The following MYT1L variants were observed in gnomAD, a reference collection of about 807,000 sequenced individuals.
MYT1L encodes myelin transcription factor 1-like protein.
A neutral mutation model predicts 126.7 loss-of-function variants in MYT1L; 12 were observed. The observed-to-expected ratio is 0.09, with a 90% CI of 0.06 to 0.15. The LOEUF (loss-of-function observed/expected upper bound fraction) is 0.15, where lower values mean the gene tolerates loss of function less well. MYT1L is among the 10% of genes least tolerant of loss of function. MYT1L has a pLI of 1.00. For missense variants in MYT1L, 979 were observed against 1,585.2 expected (o/e 0.62, Z 6.49); for synonymous variants, 541 against 604.2 (o/e 0.90, Z 1.53).
intron 2 of MYT1L, among the ~76,000 whole-genome samples, chr2:2,213,077 C>T (rs928499982): frequency 2.0e-5 from 3 of 152,164 alleles, no homozygotes; most frequent in African/African-American, 7.2e-5. Flanking sequence ...AGGACTTCTG[C>T]ATCCCACCAG....
At chr2:1,965,060 G>A (rs188048684) in intron 8 of MYT1L, among the ~76,000 whole-genome samples, 190 of 152,306 alleles carry the variant, frequency 1.2e-3, no homozygotes, top group Non-Finnish European at 1.1e-3. Flanking sequence ...AGAGTATTCC[G>A]GTCACCAGCA....
At chr2:1,821,469 T>C (rs2038515752) in intron 21 of MYT1L, among the ~76,000 whole-genome samples, 1 of 152,358 alleles carries the variant, frequency 6.6e-6, no homozygotes, top group Admixed American at 6.5e-5. Context: ...ATGAATACAA[T>C]ATATTTTAAT....
chr2:2,140,394 A>T (rs1264940082), intron 3 of MYT1L, among the ~76,000 whole-genome samples: 3 of 150,236 alleles, frequency 2.0e-5, no homozygotes, highest in Admixed American at 2.0e-4. Context: ...TTTTTGCAAG[A>T]TAATGGATCA....
intron 2 of MYT1L, among the ~76,000 whole-genome samples, chr2:2,240,954 C>T (rs916623174): frequency 6.6e-6 from 1 of 152,134 alleles, no homozygotes; most frequent in Non-Finnish European, 1.5e-5. Flanking sequence ...AGATGTGTCC[C>T]TGCGATTTGG....
intron 3 of MYT1L, among the ~76,000 whole-genome samples, chr2:2,111,498 C>T (rs188089976): frequency 7.0e-4 from 106 of 152,216 alleles, no homozygotes; most frequent in African/African-American, 2.3e-3. Flanking sequence ...AAACTGGGAG[C>T]CATTTTCAAA....
chr2:1,858,111 G>C (rs906800089), intron 18 of MYT1L, among the ~76,000 whole-genome samples: 1 of 152,202 alleles, frequency 6.6e-6, no homozygotes, highest in African/African-American at 2.4e-5. Context: ...TAATCTGCCC[G>C]CCTTGGCCTC....
At chr2:2,330,443 G>A (rs1250190069) in intron 1 of MYT1L, among the ~76,000 whole-genome samples, 1 of 151,968 alleles carries the variant, frequency 6.6e-6, no homozygotes, top group African/African-American at 2.4e-5. Flanking sequence ...ACATATTTCT[G>A]TTATAAATAA....
intron 1 of MYT1L, among the ~76,000 whole-genome samples, chr2:2,290,155 A>G (rs1255393106): frequency 2.0e-5 from 3 of 152,144 alleles, no homozygotes; most frequent in African/African-American, 7.2e-5. Flanking sequence ...GAAAGTTAGA[A>G]TTTCTAGATT....
chr2:2,137,828 A>G (rs971878153), intron 3 of MYT1L, among the ~76,000 whole-genome samples: 1 of 152,216 alleles, frequency 6.6e-6, no homozygotes, highest in Non-Finnish European at 1.5e-5. Context: ...CAAAAGCCAC[A>G]ATTGACAAAT....
rs1341495336 is a variant in MYT1L, at chr2:1,829,143, C to T, written c.3080+10006G>A. 3.3e-5 allele frequency among the ~76,000 whole-genome samples: 5 copies of T among 152,212 alleles called. No individual in the cohort carries two copies. The South Asian group carries it at 8.3e-4, about 25-fold the overall frequency. On this transcript the variant is annotated intron_variant, in intron 21 of 24. Transcript: ENST00000647738. ...GATCTCCCATGAAGATGGCGTTGGG[C>T]CTCTCACCTCTGGGGGTGCTGAGGA...
At chr2:1,822,905 A>C (rs546675758) in intron 21 of MYT1L, among the ~76,000 whole-genome samples, 1 of 152,226 alleles carries the variant, frequency 6.6e-6, no homozygotes, top group African/African-American at 2.4e-5. Flanking sequence ...TCCTAGCAGA[A>C]GGGAAATGTT....
intron 1 of MYT1L, among the ~76,000 whole-genome samples, chr2:2,285,595 C>A (rs180897286): frequency 6.6e-6 from 1 of 152,192 alleles, no homozygotes; most frequent in Admixed American, 6.5e-5. Flanking sequence ...ATGCCCTCCC[C>A]TTTCTGGGTC....
intron 3 of MYT1L, among the ~76,000 whole-genome samples, chr2:2,131,970 G>A (rs1184419984): frequency 4.2e-5 from 6 of 142,664 alleles, no homozygotes; most frequent in African/African-American, 1.1e-4. Context: ...GTGCAGTGGT[G>A]CGATCTTGGC....
intron 2 of MYT1L, among the ~76,000 whole-genome samples, chr2:2,183,398 G>A (rs1234870561): frequency 6.6e-6 from 1 of 152,110 alleles, no homozygotes; most frequent in Non-Finnish European, 1.5e-5. Flanking sequence ...GTGGGGCCAG[G>A]CGGTAGGAAG....
intron 4 of MYT1L, among the ~76,000 whole-genome samples, chr2:2,000,942 GGAAGCTCA>G (rs1407061020): frequency 6.6e-6 from 1 of 152,072 alleles, no homozygotes; most frequent in African/African-American, 2.4e-5. Flanking sequence ...GGTTCCCCTG[GGAAGCTCA>G]GAAGCTCAGA....
chr2:1,943,100 C>T lies in MYT1L; in HGVS notation c.387G>A (p.Arg129=), dbSNP rs138932120. The part of the protein sequence containing the change: ...DEDEEDEEGD[R]EEEEEIEEED... ...CCTCCTCGATCTCCTCCTCCTCCTC[C>T]CGGTCCCCCTCCTCGTCCTCCTCGT... The change falls in exon 9 of 25, where the codon CGG becomes CGA. Residue 129 remains arginine, a synonymous_variant. Coordinates refer to ENST00000647738, the MANE Select transcript of MYT1L (RefSeq NM_001303052.2). This position sits in a 1 kb window ranked among gnomAD's most constrained non-coding sequence, Gnocchi z 4.4. 4.8e-5 allele frequency: 71 copies of T among 1,471,678 alleles called. No individual in the cohort carries two copies. Among genetic ancestry groups the T allele is most frequent in the Non-Finnish European group, 6.2e-5 (67 of 1,073,876 alleles). 91.2% of individuals were successfully genotyped at this position (1,471,678 alleles called of 1,614,324 possible).
chr2:2,096,481 T>C (rs1468684664), intron 3 of MYT1L, among the ~76,000 whole-genome samples: 1 of 152,206 alleles, frequency 6.6e-6, no homozygotes, highest in Non-Finnish European at 1.5e-5. Flanking sequence ...TTTACAAATG[T>C]CTCCCGTATC....
At chr2:1,888,594 C>T (rs927847804) in intron 16 of MYT1L, among the ~76,000 whole-genome samples, 3 of 152,122 alleles carry the variant, frequency 2.0e-5, no homozygotes, top group African/African-American at 4.8e-5. Flanking sequence ...ACTTTAAAGT[C>T]GGTACATAAA....
At chr2:1,844,067 A>G (rs780735054) in intron 19 of MYT1L, among the ~76,000 whole-genome samples, 7 of 152,200 alleles carry the variant, frequency 4.6e-5, no homozygotes, top group Non-Finnish European at 7.4e-5. Flanking sequence ...CACCTGTGAG[A>G]AGCCTGTGCT....
Sources: gnomAD v4.1 joint callset for allele counts (sites outside exome capture counted in the v4.1 genomes callset) on GRCh38, gnomAD v4.1.1 for gene constraint, Gnocchi (gnomAD v3.1) non-coding constraint, MANE v1.5 for transcripts, NCBI Gene and HGNC (gene_info 2026-07-23, HGNC 2026-07-21) for gene names.